ADAM32: variants seen among roughly 807,000 people sequenced by gnomAD.
The protein encoded by ADAM32 is ADAM metallopeptidase domain 32, also known as disintegrin and metalloproteinase domain-containing protein 32.
A neutral mutation model predicts 114.9 loss-of-function variants in ADAM32; 89 were observed. The observed-to-expected ratio is 0.77, with a 90% CI of 0.65 to 0.92. The LOEUF (loss-of-function observed/expected upper bound fraction) is 0.92, where lower values mean the gene tolerates loss of function less well. Among genes scored for constraint, ADAM32 ranks in the 40% least tolerant of loss-of-function variants. The pLI is 0.00. For missense variants in ADAM32, 870 were observed against 932.8 expected (o/e 0.93, Z 0.88); for synonymous variants, 285 against 307.5 (o/e 0.93, Z 0.77).
intron 20 of ADAM32, 52 bp downstream of exon 20, chr8:39,270,966 A>G: frequency 1.3e-6 from 2 of 1,525,010 alleles, no homozygotes; most frequent in Non-Finnish European, 1.8e-6. Context: ...TTAAGAGTTA[A>G]TTGATAATTC....
intron 6 of ADAM32, among the ~76,000 whole-genome samples, chr8:39,159,959 T>C (rs1804391748): frequency 6.6e-6 from 1 of 152,090 alleles, no homozygotes; most frequent in African/African-American, 2.4e-5. Flanking sequence ...GCAGCTTTTT[T>C]CCCCCCTCAA....
intron 6 of ADAM32, among the ~76,000 whole-genome samples, chr8:39,153,049 A>C (rs1803935843): frequency 6.6e-6 from 1 of 152,194 alleles, no homozygotes; most frequent in Non-Finnish European, 1.5e-5. Flanking sequence ...GCTTTTGAAG[A>C]ATTTTCAGAA....
intron 2 of ADAM32, 86 bp from the exon 3 acceptor site, chr8:39,136,570 TG>T: frequency 1.2e-6 from 1 of 811,358 alleles, no homozygotes; most frequent in Non-Finnish European, 1.9e-6. Flanking sequence ...TTTTAAGCAT[TG>T]TTTGGACAGA....
chr8:39,114,950 C>T (rs1401304826), intron 1 of ADAM32, among the ~76,000 whole-genome samples: 1 of 152,158 alleles, frequency 6.6e-6, no homozygotes, highest in African/African-American at 2.4e-5. Context: ...AGCCTCCGCT[C>T]ATAAGTGAGA....
intron 17 of ADAM32, among the ~76,000 whole-genome samples, chr8:39,249,356 G>C (rs1170702800): frequency 6.6e-6 from 1 of 152,088 alleles, no homozygotes; most frequent in Non-Finnish European, 1.5e-5. Context: ...TCTTGTTTGT[G>C]GTGTATAATT....
chr8:39,254,638 G>A (rs1047843168), intron 18 of ADAM32, 122 bp downstream of exon 18: 1 of 680,806 alleles, frequency 1.5e-6, no homozygotes, highest in Non-Finnish European at 2.3e-6. Context: ...AAGGTAATCA[G>A]AATTCTCTCA....
At chr8:39,160,500 A>G (rs1366428433) in intron 6 of ADAM32, among the ~76,000 whole-genome samples, 2 of 128,308 alleles carry the variant, frequency 1.6e-5, no homozygotes, top group African/African-American at 3.0e-5. Context: ...AGATCGCGCC[A>G]CTGCACTATA....
chr8:39,141,462 A>G lies in ADAM32; in HGVS notation c.200+4744A>G, dbSNP rs377701505. 6.6e-5 allele frequency among the ~76,000 whole-genome samples: 10 copies of G among 152,206 alleles called. No individual in the cohort carries two copies. In the East Asian group the frequency reaches 1.5e-3, roughly 23 times the overall value. The stretch of plus-strand genomic sequence containing the variant: ...TTCATTATGAACCCAGTAGTCATTC[A>G]GGAGCAGATTGTTCAGTTTTCATGT... On this transcript the variant is annotated intron_variant, in intron 3 of 24. Transcript: ENST00000379907.
At chr8:39,284,613 A>G (rs1813662417) in intron 24 of ADAM32, among the ~76,000 whole-genome samples, 180 bp from the exon 25 acceptor site, 1 of 152,216 alleles carries the variant, frequency 6.6e-6, no homozygotes, top group African/African-American at 2.4e-5. Context: ...AGAAAAGCAT[A>G]AAGTAAATAA....
intron 17 of ADAM32, among the ~76,000 whole-genome samples, 185 bp from the exon 18 acceptor site, chr8:39,254,225 CTTTT>C (rs59048344): frequency 3.2e-5 from 4 of 125,320 alleles, no homozygotes; most frequent in Non-Finnish European, 3.4e-5. Flanking sequence ...CTTTATAGTT[CTTTT>C]TTTTTTTTTT....
At chr8:39,203,155 G>A (rs1807553389) in intron 11 of ADAM32, among the ~76,000 whole-genome samples, 1 of 152,136 alleles carries the variant, frequency 6.6e-6, no homozygotes, top group Non-Finnish European at 1.5e-5. Context: ...GGTCTACTTG[G>A]TCCAGGGCTG....
chr8:39,184,522 G>A (rs1806100124), intron 10 of ADAM32, among the ~76,000 whole-genome samples: 1 of 152,192 alleles, frequency 6.6e-6, no homozygotes, highest in Non-Finnish European at 1.5e-5. Flanking sequence ...GACTAAGGTG[G>A]TATTCAGTTT....
intron 10 of ADAM32, among the ~76,000 whole-genome samples, chr8:39,180,766 C>T (rs1805822372): frequency 6.8e-6 from 1 of 148,066 alleles, no homozygotes; most frequent in South Asian, 2.2e-4. Context: ...TCTGGTGGGG[C>T]CTTGGAGAAC....
intron 11 of ADAM32, among the ~76,000 whole-genome samples, chr8:39,202,261 CT>C (rs925087086): frequency 3.9e-5 from 6 of 152,070 alleles, no homozygotes; most frequent in African/African-American, 9.7e-5. Context: ...TGGTCCTGGA[CT>C]TTTTTTGGTG....
At chr8:39,263,038 T>C (rs1262674313) in intron 19 of ADAM32, among the ~76,000 whole-genome samples, 1 of 152,178 alleles carries the variant, frequency 6.6e-6, no homozygotes, top group Non-Finnish European at 1.5e-5. Flanking sequence ...TCCTGATATG[T>C]TGTATCTTTC....
intron 12 of ADAM32, among the ~76,000 whole-genome samples, chr8:39,217,612 ATTCT>A (rs1247748820): frequency 6.6e-6 from 1 of 152,038 alleles, no homozygotes; most frequent in African/African-American, 2.4e-5. Context: ...AAGCTCACTA[ATTCT>A]TTCTTCTGCG....
chr8:39,200,974 T>A (rs1327347959), intron 11 of ADAM32, among the ~76,000 whole-genome samples: 1 of 152,178 alleles, frequency 6.6e-6, no homozygotes, highest in Non-Finnish European at 1.5e-5. Flanking sequence ...TTCTGTTCCA[T>A]TGGTCTATAT....
At chr8:39,178,948 C>A (rs1018082680) in intron 10 of ADAM32, among the ~76,000 whole-genome samples, 8 of 152,132 alleles carry the variant, frequency 5.3e-5, no homozygotes, top group African/African-American at 1.9e-4. Context: ...TATACTAGCC[C>A]ATATACTCCT....
chr8:39,207,539 T>C (rs1424211099), intron 11 of ADAM32, among the ~76,000 whole-genome samples: 2 of 152,198 alleles, frequency 1.3e-5, no homozygotes, highest in Non-Finnish European at 2.9e-5. Flanking sequence ...TATAAACATT[T>C]ATCATTTCAG....
Sources: allele counts gnomAD v4.1 joint callset (sites outside exome capture counted in the v4.1 genomes callset), GRCh38; gene constraint gnomAD v4.1.1; transcripts MANE v1.5; gene names NCBI Gene and HGNC (gene_info 2026-07-23, HGNC 2026-07-21).